SLC44A3: variants seen among roughly 807,000 people sequenced by gnomAD.
SLC44A3 encodes the protein choline transporter-like protein 3.
SLC44A3 carries 74 observed loss-of-function variants against 75.4 expected under a neutral mutation model. The ratio of observed to expected loss-of-function variants is 0.98; its 90% confidence interval spans 0.81 to 1.19. The LOEUF (loss-of-function observed/expected upper bound fraction) is 1.19, where lower values mean the gene tolerates loss of function less well. Among genes scored for constraint, SLC44A3 ranks in the 50% most tolerant of loss-of-function variants. SLC44A3 has a pLI of 0.00. For synonymous variants in SLC44A3, 310 were observed against 296.9 expected (o/e 1.04, Z -0.45); for missense variants, 700 against 778.6 (o/e 0.90, Z 1.20).
chr1:94,854,487 A>G (rs1665605105), intron 9 of SLC44A3, among the ~76,000 whole-genome samples: 2 of 152,180 alleles, frequency 1.3e-5, no homozygotes, highest in South Asian at 4.1e-4. Flanking sequence ...GCTACCCATG[A>G]TAGTAGCTGT....
chr1:94,841,048 C>G (rs1241565337), intron 7 of SLC44A3, among the ~76,000 whole-genome samples: 1 of 152,170 alleles, frequency 6.6e-6, no homozygotes, highest in African/African-American at 2.4e-5. Flanking sequence ...ACAGGGTGCA[C>G]TTACACAAAC....
At chr1:94,891,304 C>T (rs1319675380) in intron 13 of SLC44A3, 37 bp downstream of exon 13, 1 of 1,563,304 alleles carries the variant, frequency 6.4e-7, no homozygotes, top group Non-Finnish European at 8.6e-7. Flanking sequence ...GCCTGGGATT[C>T]TGAAAATTAA....
rs185554841 is a variant in SLC44A3 at position 94,849,234 on chromosome 1, C to T, written c.1072+3770C>T. On this transcript the variant is annotated intron_variant, in intron 9 of 14. Transcript: ENST00000271227. ...CACTGTTAGTGCAAGCAGCAAACAG[C>T]GAGAACAGTAGAGGGGCCAGAAAGG... is the stretch of plus-strand genomic sequence containing the variant. 1.7e-3 allele frequency among the ~76,000 whole-genome samples: 262 copies of T among 152,230 alleles called. 2 individuals are homozygous for T. Among genetic ancestry groups the T allele is most frequent in the African/African-American group, 5.9e-3 (245 of 41,536 alleles).
chr1:94,833,232 GAT>G (rs1237628202), intron 5 of SLC44A3, among the ~76,000 whole-genome samples: 1 of 152,160 alleles, frequency 6.6e-6, no homozygotes, highest in Non-Finnish European at 1.5e-5. Flanking sequence ...TTACTTGTCT[GAT>G]ACTAGCACCA....
chr1:94,852,394 G>A (rs1255257186), intron 9 of SLC44A3, among the ~76,000 whole-genome samples: 1 of 152,194 alleles, frequency 6.6e-6, no homozygotes, highest in Admixed American at 6.5e-5. Flanking sequence ...AGAGCCATAA[G>A]ACCATCTAAA....
intron 10 of SLC44A3, among the ~76,000 whole-genome samples, 200 bp downstream of exon 10, chr1:94,857,700 C>T: frequency 6.6e-6 from 1 of 152,008 alleles, no homozygotes; most frequent in East Asian, 1.9e-4. Context: ...TGTCACATTT[C>T]CAACCTTTTT....
chr1:94,882,380 GTCA>G (rs1669100031), intron 12 of SLC44A3, among the ~76,000 whole-genome samples: 2 of 152,172 alleles, frequency 1.3e-5, no homozygotes, highest in South Asian at 4.1e-4. Context: ...GCCCATCTAT[GTCA>G]TCTTCCTTCT....
intron 5 of SLC44A3, among the ~76,000 whole-genome samples, chr1:94,832,477 C>T (rs1408454897): frequency 1.3e-5 from 2 of 152,116 alleles, no homozygotes; most frequent in Middle Eastern, 3.2e-3. Flanking sequence ...ACCATTATTA[C>T]ATCAAGCATG....
intron 12 of SLC44A3, 119 bp downstream of exon 12, chr1:94,867,536 C>T (rs1667305348): frequency 4.7e-6 from 3 of 640,508 alleles, no homozygotes; most frequent in Non-Finnish European, 7.4e-6. Flanking sequence ...ACATTTTAGG[C>T]TTTCAGACCA....
At chr1:94,862,921 G>A (rs893718057) in intron 10 of SLC44A3, among the ~76,000 whole-genome samples, 3 of 152,156 alleles carry the variant, frequency 2.0e-5, no homozygotes, top group Admixed American at 2.0e-4. Flanking sequence ...CTTCCTGAAG[G>A]CAGGTTTGGC....
At chr1:94,827,134 G>T (rs1386052165) in intron 3 of SLC44A3, among the ~76,000 whole-genome samples, 1 of 152,142 alleles carries the variant, frequency 6.6e-6, no homozygotes, top group African/African-American at 2.4e-5. Flanking sequence ...GAACACTCTT[G>T]GGTACAAATG....
chr1:94,880,480 A>G (rs937109864), intron 12 of SLC44A3, among the ~76,000 whole-genome samples: 18 of 152,234 alleles, frequency 1.2e-4, no homozygotes, highest in Admixed American at 6.5e-5. Flanking sequence ...AGTATTTCCA[A>G]TCATCCATAT....
Position 94,826,001 on chromosome 1 carries a change from T to C in SLC44A3, c.278+1366T>C. The C allele has an allele frequency of 6.7e-6, 3 of 449,004 alleles. 1 individual carries two copies. The Admixed American group carries it at 7.1e-5, about 11-fold the overall frequency. 27.8% of individuals were successfully genotyped at this position (449,004 alleles called of 1,614,324 possible). On this transcript the variant is annotated intron_variant, in intron 3 of 14. Transcript: ENST00000271227. Reference sequence around the variant, plus strand: ...AAGGTAGAAGCAACTCAAGTGTCCATCAATGGTTGAATGGATAATCAAAAT... The same window carrying C: ...AAGGTAGAAGCAACTCAAGTGTCCACCAATGGTTGAATGGATAATCAAAAT...
chr1:94,864,652 A>T, intron 10 of SLC44A3, 91 bp from the exon 11 acceptor site: 2 of 1,331,270 alleles, frequency 1.5e-6, no homozygotes, highest in Non-Finnish European at 2.0e-6. Flanking sequence ...CAACTTTCTA[A>T]GTTGTTAGTA....
At chr1:94,851,143 C>T (rs1371389976) in intron 9 of SLC44A3, among the ~76,000 whole-genome samples, 1 of 152,126 alleles carries the variant, frequency 6.6e-6, no homozygotes, top group Non-Finnish European at 1.5e-5. Context: ...TAAACTGCTT[C>T]CCCAAACTAG....
intron 11 of SLC44A3, 46 bp downstream of exon 11, chr1:94,864,945 C>T: frequency 6.3e-7 from 1 of 1,588,956 alleles, no homozygotes; most frequent in South Asian, 1.1e-5. Context: ...TTTGGGTTGC[C>T]AGAAACTTAA....
intron 9 of SLC44A3, among the ~76,000 whole-genome samples, chr1:94,851,191 G>A (rs1396279541): frequency 6.6e-6 from 1 of 152,074 alleles, no homozygotes; most frequent in Non-Finnish European, 1.5e-5. Context: ...ATTATTCTTG[G>A]AAAATCTCCT....
intron 12 of SLC44A3, among the ~76,000 whole-genome samples, chr1:94,870,975 G>A (rs1010690021): frequency 6.6e-6 from 1 of 152,160 alleles, no homozygotes; most frequent in Non-Finnish European, 1.5e-5. Context: ...GCCACCATTC[G>A]TGGCCAGTTG....
intron 3 of SLC44A3, 24 bp from the exon 4 acceptor site, chr1:94,827,483 T>C: frequency 1.2e-6 from 2 of 1,614,000 alleles, no homozygotes; most frequent in Non-Finnish European, 1.7e-6. Context: ...TCTAACACAT[T>C]CTTCTGTTTC....
Sources: gnomAD v4.1 joint callset for allele counts (sites outside exome capture counted in the v4.1 genomes callset) on GRCh38, gnomAD v4.1.1 for gene constraint, MANE v1.5 for transcripts, NCBI Gene and HGNC (gene_info 2026-07-23, HGNC 2026-07-21) for gene names.